The following PLXNA2 variants were observed in gnomAD, a reference collection of about 807,000 sequenced individuals.
PLXNA2 encodes plexin-A2.
A neutral mutation model predicts 193.5 loss-of-function variants in PLXNA2; 91 were observed. The observed-to-expected ratio is 0.47, with a 90% CI of 0.40 to 0.56. PLXNA2 has a LOEUF of 0.56. Among genes scored for constraint, PLXNA2 ranks in the 20% least tolerant of loss-of-function variants. The pLI, the probability that PLXNA2 is intolerant of heterozygous loss-of-function variation, is 0.00. For synonymous variants in PLXNA2, 997 were observed against 1,027.3 expected, an observed-to-expected ratio of 0.97 and a Z score of 0.56; for missense variants, 1,995 against 2,503.2, an observed-to-expected ratio of 0.80 and a Z score of 4.33.
rs199754906 is a variant in PLXNA2 at position 208,038,459 on chromosome 1, C to T, written c.4676G>A (p.Arg1559Gln). Residue 1559 changes from arginine to glutamine, a missense_variant, in exon 26 of 32, where the codon CGG (arginine) becomes CAG (glutamine). Coordinates refer to ENST00000367033, the MANE Select transcript of PLXNA2 (RefSeq NM_025179.4). The surrounding 1 kb of genome is among the most constrained non-coding windows in gnomAD (Gnocchi z 4.1). ...VDMDLEWRQG[R>Q]IARVVLQDED... ...ATCTTGCAGCACGACCCGGGCGATC[C>T]GGCCTTGGCGCCACTCTGGGTGGAG... 4.5e-5 allele frequency: 73 copies of T among 1,613,884 alleles called. No individual in the cohort carries two copies. Among genetic ancestry groups the T allele is most frequent in the East Asian group, 8.9e-5 (4 of 44,888 alleles).
chr1:208,042,748 CT>C (rs2102319774), intron 21 of PLXNA2, among the ~76,000 whole-genome samples: 1 of 152,326 alleles, frequency 6.6e-6, no homozygotes, highest in South Asian at 2.1e-4. Context: ...ACAAACAAAC[CT>C]CATAGAATCC....
In PLXNA2 at chr1:208,198,891, C is replaced by T. The variant is rs1670449551; in HGVS notation, c.1371+11389G>A. ...GTAGCATTGAGACTCTGCCAAGTTACTTAGTTTTGTTGAGCCTCAGCTTGT... is the reference window on the plus strand; with the variant it reads ...GTAGCATTGAGACTCTGCCAAGTTATTTAGTTTTGTTGAGCCTCAGCTTGT... On this transcript the variant is annotated intron_variant, in intron 3 of 31. Transcript: ENST00000367033. 2.0e-5 allele frequency among the ~76,000 whole-genome samples: 3 copies of T among 152,342 alleles called. No homozygotes were observed. In the South Asian group the frequency reaches 6.2e-4, roughly 32 times the overall value.
chr1:208,087,858 G>A (rs2102396842), intron 9 of PLXNA2, among the ~76,000 whole-genome samples: 1 of 152,062 alleles, frequency 6.6e-6, no homozygotes, highest in East Asian at 1.9e-4. Context: ...GATGGTGAAG[G>A]GTTTAATCAG....
rs554975953 is a variant in PLXNA2, at chr1:208,174,480, T to G, written c.1372-32017A>C. On this transcript the variant is annotated intron_variant, in intron 3 of 31. Coordinates refer to ENST00000367033, the MANE Select transcript of PLXNA2 (RefSeq NM_025179.4). Reference sequence around the variant, plus strand: ...CATTGTCAAACTCTCTGGATGGTCATCAGCCAGATGTGGAGACCATATGGA... The same window carrying G: ...CATTGTCAAACTCTCTGGATGGTCAGCAGCCAGATGTGGAGACCATATGGA... Among the ~76,000 whole-genome samples, 3 of 152,038 alleles carry G rather than the reference T, an allele frequency of 2.0e-5. No homozygotes were observed. In the East Asian group the frequency reaches 5.8e-4, roughly 29 times the overall value.
intron 4 of PLXNA2, among the ~76,000 whole-genome samples, chr1:208,112,416 C>A (rs551629516): frequency 6.6e-6 from 1 of 152,196 alleles, no homozygotes. Flanking sequence ...CTTTCTTGAG[C>A]TTTAGTTTCC....
intron 1 of PLXNA2, among the ~76,000 whole-genome samples, chr1:208,219,763 G>T (rs538193368): frequency 2.0e-5 from 3 of 152,140 alleles, no homozygotes; most frequent in Non-Finnish European, 2.9e-5. Context: ...AGGGTGTTCG[G>T]GGTGACTCAT....
intron 1 of PLXNA2, among the ~76,000 whole-genome samples, chr1:208,237,980 C>T (rs1671920608): frequency 6.6e-6 from 1 of 152,200 alleles, no homozygotes; most frequent in Non-Finnish European, 1.5e-5. Context: ...TTCCCGCTTT[C>T]AGTGTCATCC....
intron 17 of PLXNA2, 37 bp from the exon 18 acceptor site, chr1:208,046,154 G>A: frequency 6.3e-7 from 1 of 1,593,758 alleles, no homozygotes; most frequent in Non-Finnish European, 8.6e-7. Context: ...CACACGGAGT[G>A]CCTGGCACAG....
chr1:208,052,489 T>G, intron 14 of PLXNA2, 26 bp from the exon 15 acceptor site: 1 of 1,612,310 alleles, frequency 6.2e-7, no homozygotes, highest in South Asian at 1.1e-5. Context: ...GAGAAATGAC[T>G]ACAGCTTAGG....
intron 17 of PLXNA2, among the ~76,000 whole-genome samples, chr1:208,047,112 C>A (rs763178784): frequency 1.2e-4 from 19 of 152,218 alleles, no homozygotes; most frequent in Non-Finnish European, 2.1e-4. Flanking sequence ...AGGCACGTGC[C>A]ACCACGCCCA....
intron 29 of PLXNA2, chr1:208,030,177 G>A (rs143422638): frequency 2.3e-5 from 23 of 985,564 alleles, no homozygotes; most frequent in Middle Eastern, 1.0e-3. Flanking sequence ...TGCTGCAGCT[G>A]AGAGCTGACT....
chr1:208,073,030 T>A (rs1054767705), intron 12 of PLXNA2, among the ~76,000 whole-genome samples: 19 of 152,224 alleles, frequency 1.2e-4, no homozygotes, highest in Non-Finnish European at 2.9e-5. Flanking sequence ...ACCAGATGTG[T>A]GTGTGACACT....
intron 3 of PLXNA2, among the ~76,000 whole-genome samples, chr1:208,166,949 C>G (rs1187425139): frequency 6.6e-6 from 1 of 152,186 alleles, no homozygotes; most frequent in African/African-American, 2.4e-5. Flanking sequence ...TGCTGCAACT[C>G]CGCACCTGAG....
intron 13 of PLXNA2, among the ~76,000 whole-genome samples, chr1:208,059,727 A>T (rs1665555965): frequency 6.6e-6 from 1 of 152,226 alleles, no homozygotes; most frequent in Non-Finnish European, 1.5e-5. Flanking sequence ...AATGATGATA[A>T]CAATATTTAC....
At chr1:208,178,908 A>G (rs1006734970) in intron 3 of PLXNA2, among the ~76,000 whole-genome samples, 6 of 152,348 alleles carry the variant, frequency 3.9e-5, no homozygotes, top group Middle Eastern at 3.4e-3. Flanking sequence ...GGTGATTCGG[A>G]TGCAAGCTTA....
At chr1:208,174,013 G>A (rs1026395150) in intron 3 of PLXNA2, among the ~76,000 whole-genome samples, 7 of 152,236 alleles carry the variant, frequency 4.6e-5, no homozygotes, top group African/African-American at 1.7e-4. Flanking sequence ...TTAGGAGCCC[G>A]CTGAGATAGC....
intron 1 of PLXNA2, among the ~76,000 whole-genome samples, chr1:208,235,025 T>C (rs1435976417): frequency 6.6e-6 from 1 of 152,208 alleles, no homozygotes; most frequent in East Asian, 1.9e-4. Flanking sequence ...CTCTGCGTTT[T>C]CTTATTCCAT....
chr1:208,206,849 C>T (rs1225243802), intron 3 of PLXNA2, among the ~76,000 whole-genome samples: 1 of 151,378 alleles, frequency 6.6e-6, no homozygotes, highest in Non-Finnish European at 1.5e-5. Context: ...CTGCAACCTC[C>T]ACCTCCCAGG....
In PLXNA2 at chr1:208,098,887, C is replaced by A. The variant is rs1269824128; in HGVS notation, c.1690G>T (p.Val564Leu). The A allele has an allele frequency of 1.9e-6, 3 of 1,613,988 alleles. No homozygotes were observed. Among genetic ancestry groups the A allele is most frequent in the Non-Finnish European group, 2.5e-6 (3 of 1,179,982 alleles). Residue 564 changes from valine to leucine, a missense_variant, in exon 6 of 32, where the codon GTG (valine) becomes TTG (leucine). By Grantham distance (32) the Val-to-Leu change is conservative. This residue lies in a region of PLXNA2 where 702 missense variants were observed against 812.9 expected (regional missense o/e 0.86). Coordinates refer to ENST00000367033, the MANE Select transcript of PLXNA2 (RefSeq NM_025179.4). ...GATACTGAGATGCTGCTGGGATGCA[C>A]TGCAAGGCTCACACACTGGCTGATG... ...ASISQCVSLA[V>L]HPSSISVSEH...
Sources: allele counts gnomAD v4.1 joint callset (sites outside exome capture counted in the v4.1 genomes callset), GRCh38; gene constraint gnomAD v4.1.1; regional missense constraint gnomAD v4.1.1; non-coding constraint Gnocchi (gnomAD v3.1); transcripts MANE v1.5; gene names NCBI Gene and HGNC (gene_info 2026-07-23, HGNC 2026-07-21).